The following BCL11A variants were observed in gnomAD, a reference collection of about 807,000 sequenced individuals.
The protein encoded by BCL11A is B cell CLL/lymphoma 11A.
In BCL11A, 2 loss-of-function variants were observed where a neutral mutation model predicts 55.9. The observed-to-expected ratio is 0.04, with a 90% CI of 0.01 to 0.11. BCL11A has a LOEUF of 0.11. Among genes scored for constraint, BCL11A ranks in the 10% least tolerant of loss-of-function variants. The pLI, the probability that BCL11A is intolerant of heterozygous loss-of-function variation, is 1.00. For missense variants in BCL11A, 817 were observed against 1,137.1 expected (o/e 0.72, Z 4.05); for synonymous variants, 465 against 473.4 (o/e 0.98, Z 0.23).
At chr2:60,533,615 G>T (rs1669550324) in intron 2 of BCL11A, 1 of 152,024 alleles carries the variant, frequency 6.6e-6, no homozygotes, top group African/African-American at 2.4e-5. Flanking sequence ...TCATATCTTA[G>T]TAAAGCAATT....
At chr2:60,530,463 T>C (rs1669398172) in intron 2 of BCL11A, among the ~76,000 whole-genome samples, 1 of 151,980 alleles carries the variant, frequency 6.6e-6, no homozygotes, top group South Asian at 2.1e-4. Context: ...CCTTCCCATC[T>C]GGCCCTCGGG....
chr2:60,503,823 G>C (rs1177244389), intron 2 of BCL11A, among the ~76,000 whole-genome samples: 1 of 152,188 alleles, frequency 6.6e-6, no homozygotes, highest in Admixed American at 6.5e-5. Context: ...TCTTTTGTCA[G>C]AGCTTTATTA....
intron 2 of BCL11A, among the ~76,000 whole-genome samples, chr2:60,516,446 G>T (rs147142442): frequency 6.6e-6 from 1 of 152,330 alleles, no homozygotes; most frequent in African/African-American, 2.4e-5. Context: ...AGTGAGGCAA[G>T]AAAGGCCACT....
chr2:60,508,617 T>C (rs553202875), intron 2 of BCL11A: 4 of 152,258 alleles, frequency 2.6e-5, no homozygotes, highest in Non-Finnish European at 5.9e-5. Flanking sequence ...TCAGGTACTA[T>C]GGCAAACTGG....
intron 1 of BCL11A, among the ~76,000 whole-genome samples, chr2:60,552,518 G>T (rs911510563): frequency 6.6e-6 from 1 of 152,162 alleles, no homozygotes. Flanking sequence ...AACAAAAGGC[G>T]GCAGTGCCGG....
At chr2:60,533,944 A>C (rs1669564334) in intron 2 of BCL11A, 1 of 152,250 alleles carries the variant, frequency 6.6e-6, no homozygotes, top group Non-Finnish European at 1.5e-5. Flanking sequence ...TATGTTTCTT[A>C]CACACTGTTC....
intron 3 of BCL11A, among the ~76,000 whole-genome samples, chr2:60,468,451 C>A (rs1490124113): frequency 2.0e-5 from 3 of 152,104 alleles, no homozygotes; most frequent in African/African-American, 7.2e-5. Context: ...CAGGCATCTT[C>A]AATCACTAGC....
chr2:60,462,333 A>G lies in BCL11A; in HGVS notation c.579T>C (p.His193=). Reference sequence around the variant, plus strand: ...CGCTTTCTAAGTAGATTCTTAATCCATGAGTGTTCTGTGCGTGTTGCAAGA... The same window carrying G: ...CGCTTTCTAAGTAGATTCTTAATCCGTGAGTGTTCTGTGCGTGTTGCAAGA... ...WFLLQHAQNT[H]GLRIYLESEH... is the part of the protein sequence containing the mutation. Residue 193 remains histidine, a synonymous_variant, in exon 4 of 4, where the codon CAT becomes CAC. Transcript: ENST00000642384. 2 of 1,614,184 alleles carry G rather than the reference A, an allele frequency of 1.2e-6. No homozygotes were observed. Among genetic ancestry groups the G allele is most frequent in the Non-Finnish European group, 1.7e-6 (2 of 1,180,024 alleles).
chr2:60,454,649 T>C (rs1675864381), downstream of BCL11A, among the ~76,000 whole-genome samples: 1 of 152,124 alleles, frequency 6.6e-6, no homozygotes, highest in African/African-American at 2.4e-5. Flanking sequence ...TCAGTCTCTG[T>C]GAGCAAAGTA....
At chr2:60,496,137 C>T (rs959083273) in intron 2 of BCL11A, among the ~76,000 whole-genome samples, 6 of 152,172 alleles carry the variant, frequency 3.9e-5, no homozygotes, top group Non-Finnish European at 7.3e-5. Flanking sequence ...AAATGGATTA[C>T]GGAAACAGGG....
At chr2:60,520,373 G>A (rs1440684737) in intron 2 of BCL11A, among the ~76,000 whole-genome samples, 2 of 152,030 alleles carry the variant, frequency 1.3e-5, no homozygotes. Context: ...TATGTAAACT[G>A]AATTATTTGC....
At chr2:60,522,096 G>C (rs1669022304) in intron 2 of BCL11A, 1 of 152,182 alleles carries the variant, frequency 6.6e-6, no homozygotes, top group Admixed American at 6.5e-5. Flanking sequence ...CTCTCCACCA[G>C]TCAGGCAATA....
chr2:60,459,813 T>C lies in BCL11A; in HGVS notation c.*591A>G. On this transcript the variant is annotated 3_prime_UTR_variant, in exon 4 of 4. Coordinates refer to ENST00000642384, the MANE Select transcript of BCL11A (RefSeq NM_022893.4). ...AGACAGACATTTAGCTCATAGAGAT[T>C]TTTTTTCAGTGCTATCTATTCTGTC... 9.6e-7 allele frequency: 1 copy of C among 1,043,382 alleles called. No homozygotes were observed. The highest frequency in any genetic ancestry group is 1.2e-6 in the Non-Finnish European group (1 of 865,310). 64.6% of individuals were successfully genotyped at this position (1,043,382 alleles called of 1,614,324 possible). A position where few individuals can be genotyped will look rare whatever the true frequency, so the allele number is the denominator to read the frequency against.
intron 2 of BCL11A, among the ~76,000 whole-genome samples, chr2:60,473,843 ACT>A (rs1482597894): frequency 6.6e-5 from 10 of 151,640 alleles, no homozygotes; most frequent in African/African-American, 1.7e-4. Context: ...TCAAAATCGC[ACT>A]CTCTTTTGTT....
At chr2:60,538,739 CTGTG>C (rs777467539) in intron 2 of BCL11A, among the ~76,000 whole-genome samples, 6,438 of 66,820 alleles carry the variant, frequency 0.096, 249 homozygotes, top group East Asian at 0.27. Context: ...CTCTCTCTCT[CTGTG>C]TGTGTGTGTG....
intron 2 of BCL11A, among the ~76,000 whole-genome samples, chr2:60,510,047 C>T (rs1428811083): frequency 6.6e-6 from 1 of 152,170 alleles, no homozygotes; most frequent in Non-Finnish European, 1.5e-5. Context: ...TGTCCAGAAT[C>T]CAGCCCCTTC....
chr2:60,468,049 A>G (rs951536498), intron 3 of BCL11A, among the ~76,000 whole-genome samples: 68 of 76,932 alleles, frequency 8.8e-4, no homozygotes, highest in Non-Finnish European at 1.5e-3. Flanking sequence ...TGGTGATGGT[A>G]CTGGTGGTGA....
At chr2:60,467,031 C>A (rs995988391) in intron 3 of BCL11A, among the ~76,000 whole-genome samples, 3 of 151,316 alleles carry the variant, frequency 2.0e-5, no homozygotes, top group African/African-American at 7.3e-5. Flanking sequence ...AAAATGGTCC[C>A]TACTATAAAA....
chr2:60,468,026 G>A (rs1025029625), intron 3 of BCL11A, among the ~76,000 whole-genome samples: 8 of 87,930 alleles, frequency 9.1e-5, no homozygotes, highest in Admixed American at 2.0e-4. Flanking sequence ...GGTGGTGGTA[G>A]TGGTGGTGAT....
Sources: gnomAD v4.1 joint callset for allele counts (sites outside exome capture counted in the v4.1 genomes callset) on GRCh38, gnomAD v4.1.1 for gene constraint, MANE v1.5 for transcripts, NCBI Gene and HGNC (gene_info 2026-07-23, HGNC 2026-07-21) for gene names.